TOGARAM1: variants seen among roughly 807,000 people sequenced by gnomAD.
The protein encoded by TOGARAM1 is TOG array regulator of axonemal microtubules 1, also known as TOG array regulator of axonemal microtubules protein 1.
Under a neutral mutation model 166.6 loss-of-function variants are expected in TOGARAM1, and 100 were observed. That is an observed-to-expected ratio of 0.60 (90% confidence interval 0.51 to 0.71). TOGARAM1 has a LOEUF of 0.71. TOGARAM1 is among the 30% of genes least tolerant of loss of function. The pLI is 0.00. For synonymous variants in TOGARAM1, 758 were observed against 763.8 expected (o/e 0.99, Z 0.13); for missense variants, 2,029 against 2,102.7 (o/e 0.96, Z 0.69).
chr14:44,964,552 T>C, intron 1 of TOGARAM1, 85 bp downstream of exon 1: 1 of 1,404,118 alleles, frequency 7.1e-7, no homozygotes, highest in Non-Finnish European at 9.5e-7. Flanking sequence ...TCAGCCTGCT[T>C]GAGGGAAACA....
intron 14 of TOGARAM1, 129 bp from the exon 15 acceptor site, chr14:45,052,307 T>C (rs952110921): frequency 1.4e-6 from 1 of 694,302 alleles, no homozygotes; most frequent in Non-Finnish European, 2.3e-6. Context: ...TTCATGGTTA[T>C]TTAATATAGG....
intron 11 of TOGARAM1, 120 bp downstream of exon 11, chr14:45,032,496 C>G: frequency 9.6e-7 from 1 of 1,042,380 alleles, no homozygotes; most frequent in South Asian, 1.6e-5. Context: ...TTATTTAGTT[C>G]TTAGGCATCA....
chr14:45,073,114 C>G (rs1327878399), intron 19 of TOGARAM1, among the ~76,000 whole-genome samples, 182 bp from the exon 20 acceptor site: 1 of 152,156 alleles, frequency 6.6e-6, no homozygotes, highest in African/African-American at 2.4e-5. Context: ...ATTCTAATAC[C>G]ATATTTGAAG....
intron 3 of TOGARAM1, among the ~76,000 whole-genome samples, chr14:45,002,425 A>G (rs1174079897): frequency 1.3e-5 from 2 of 152,310 alleles, no homozygotes; most frequent in South Asian, 2.1e-4. Flanking sequence ...AGAAGCTGGT[A>G]TAAAGGGATA....
rs940942709 is a variant in TOGARAM1, at chr14:44,963,141, C to G, written c.720C>G (p.Ile240Met). 1 of 1,614,102 alleles carries G rather than the reference C, an allele frequency of 6.2e-7. No homozygotes were observed. Among genetic ancestry groups the G allele is most frequent in the Non-Finnish European group, 8.5e-7 (1 of 1,180,056 alleles). Reference sequence around the variant, plus strand: ...CTTCCACAGCACTACTGCTTCCCATCTTGCTTACTACTGAGGACTTGTTGC... The same window carrying G: ...CTTCCACAGCACTACTGCTTCCCATGTTGCTTACTACTGAGGACTTGTTGC... The part of the protein sequence containing the change: ...LRASTALLLP[I>M]LLTTEDLLLG... The change falls in exon 1 of 20, where the codon ATC (isoleucine) becomes ATG (methionine). Residue 240 changes from isoleucine (I) to methionine (M), a missense_variant. This residue lies in a region of TOGARAM1 where 1,453 missense variants were observed against 1,432.2 expected (regional missense o/e 1.01). Coordinates refer to ENST00000361462, the MANE Select transcript of TOGARAM1 (RefSeq NM_001308120.2).
At chr14:44,971,986 G>A (rs963932117) in intron 1 of TOGARAM1, among the ~76,000 whole-genome samples, 14 of 152,130 alleles carry the variant, frequency 9.2e-5, no homozygotes, top group African/African-American at 3.4e-4. Flanking sequence ...AGAGGAAGGA[G>A]TCACGTCTTA....
chr14:45,004,303 A>C lies in TOGARAM1; in HGVS notation c.2581A>C (p.Lys861Gln). ...WPLKSFEGLS[K>Q]PSPQKKLVSQ... ...TCTTAAAAGCTTCGAAGGACTATCA[A>C]AGCCAAGTCCACAGAAGAAGCTTGT... Residue 861 changes from lysine to glutamine, a missense_variant, in exon 4 of 20, where the codon AAG becomes CAG. Physicochemically the swap from Lys to Gln is moderately conservative, Grantham distance 53 (BLOSUM62 1). Coordinates refer to ENST00000361462, the MANE Select transcript of TOGARAM1 (RefSeq NM_001308120.2). The C allele has an allele frequency of 6.2e-7, 1 of 1,614,152 alleles. No individual in the cohort carries two copies. Among genetic ancestry groups the C allele is most frequent in the Non-Finnish European group, 8.5e-7 (1 of 1,180,006 alleles).
intron 16 of TOGARAM1, among the ~76,000 whole-genome samples, chr14:45,059,666 AAAC>A (rs1566671537): frequency 6.9e-6 from 1 of 145,092 alleles, no homozygotes; most frequent in Non-Finnish European, 1.5e-5. Flanking sequence ...AAAAAAAACA[AAAC>A]AAAACAAAAC....
chr14:45,020,140 T>C (rs1880410699), intron 7 of TOGARAM1, among the ~76,000 whole-genome samples: 1 of 152,060 alleles, frequency 6.6e-6, no homozygotes, highest in African/African-American at 2.4e-5. Flanking sequence ...CTGCTAGAGG[T>C]CCTAAGAAGG....
intron 11 of TOGARAM1, among the ~76,000 whole-genome samples, chr14:45,040,965 G>A (rs1450022114): frequency 6.6e-6 from 1 of 152,196 alleles, no homozygotes; most frequent in Non-Finnish European, 1.5e-5. Context: ...CTTGAACCCA[G>A]GAGCAGAAGG....
intron 5 of TOGARAM1, chr14:45,007,724 CTT>C (rs1009743727): frequency 1.1e-4 from 17 of 152,078 alleles, no homozygotes; most frequent in Non-Finnish European, 1.5e-5. Context: ...TGTGAGTTGA[CTT>C]TTGACAAAAG....
chr14:45,048,398 T>A (rs901653194), intron 14 of TOGARAM1, among the ~76,000 whole-genome samples: 1 of 152,148 alleles, frequency 6.6e-6, no homozygotes, highest in Non-Finnish European at 1.5e-5. Flanking sequence ...ATAAAATGTT[T>A]ATTATTTTAA....
chr14:44,968,279 A>G (rs1885669057), intron 1 of TOGARAM1, among the ~76,000 whole-genome samples: 1 of 152,204 alleles, frequency 6.6e-6, no homozygotes, highest in Non-Finnish European at 1.5e-5. Context: ...ATTTATTTTG[A>G]GACGGAGTTT....
At chr14:44,973,427 A>G (rs1234320679) in intron 1 of TOGARAM1, among the ~76,000 whole-genome samples, 3 of 151,948 alleles carry the variant, frequency 2.0e-5, no homozygotes, top group Non-Finnish European at 4.4e-5. Context: ...CATTCATTTC[A>G]TTTATACATA....
chr14:45,038,794 G>T (rs1164015548), intron 11 of TOGARAM1, among the ~76,000 whole-genome samples: 1 of 152,216 alleles, frequency 6.6e-6, no homozygotes, highest in Non-Finnish European at 1.5e-5. Context: ...AGATGTTTCA[G>T]TCCCGAATTC....
rs1329158775 is a variant in TOGARAM1, at chr14:45,027,311, G to A, written c.3341G>A (p.Ser1114Asn). ...TGGTTGATTTCAGGCGTATTTGGAA[G>A]TTTAAGTTCAGCACCAGCAACCTGC... ...VVVVGKGVFG[S>N]LSSAPATCSQ... Residue 1114 changes from serine (S) to asparagine (N), a missense_variant, in exon 9 of 20, where the codon AGT (serine) becomes AAT (asparagine). Ser to Asn is a conservative substitution (Grantham distance 46). Transcript: ENST00000361462. 1.9e-6 allele frequency: 3 copies of A among 1,612,898 alleles called. No individual in the cohort carries two copies. The highest frequency in any genetic ancestry group is 2.2e-5 in the South Asian group (2 of 90,802).
intron 15 of TOGARAM1, among the ~76,000 whole-genome samples, chr14:45,053,585 C>T (rs958112633): frequency 2.0e-5 from 3 of 151,950 alleles, no homozygotes; most frequent in Non-Finnish European, 2.9e-5. Flanking sequence ...TAGCAATAGA[C>T]ATTTTAGAGC....
At chr14:45,056,384 A>G (rs965150861) in intron 16 of TOGARAM1, among the ~76,000 whole-genome samples, 11 of 152,052 alleles carry the variant, frequency 7.2e-5, no homozygotes, top group African/African-American at 2.7e-4. Context: ...TGATTACTTT[A>G]TCTAGGACTT....
intron 14 of TOGARAM1, among the ~76,000 whole-genome samples, chr14:45,049,779 A>G (rs1594692736): frequency 6.6e-6 from 1 of 152,140 alleles, no homozygotes; most frequent in Admixed American, 6.6e-5. Flanking sequence ...GGGTTAGATC[A>G]TTATAGGCTA....
Sources: gnomAD v4.1 joint callset for allele counts (sites outside exome capture counted in the v4.1 genomes callset) on GRCh38, gnomAD v4.1.1 for gene constraint, gnomAD v4.1.1 regional missense constraint, MANE v1.5 for transcripts, NCBI Gene and HGNC (gene_info 2026-07-23, HGNC 2026-07-21) for gene names.